The following CDH12 variants were observed in gnomAD, a reference collection of about 807,000 sequenced individuals.
The protein encoded by CDH12 is cadherin 12.
Under a neutral mutation model 74.1 loss-of-function variants are expected in CDH12, and 41 were observed. The ratio of observed to expected loss-of-function variants is 0.55; its 90% CI spans 0.43 to 0.72. The LOEUF is 0.72. CDH12 is among the 30% of genes least tolerant of loss of function. The pLI is 0.00. For missense variants in CDH12, 945 were observed against 977.2 expected (o/e 0.97, Z 0.44); for synonymous variants, 399 against 355.0 (o/e 1.12, Z -1.39).
At chr5:21,912,906 G>A (rs1423063683) in intron 6 of CDH12, among the ~76,000 whole-genome samples, 1 of 152,116 alleles carries the variant, frequency 6.6e-6, no homozygotes, top group Non-Finnish European at 1.5e-5. Flanking sequence ...GCAGTGGCCT[G>A]ATCTCTACTT....
At chr5:22,595,215 CT>C (rs1736543732) in intron 1 of CDH12, among the ~76,000 whole-genome samples, 1 of 152,110 alleles carries the variant, frequency 6.6e-6, no homozygotes, top group African/African-American at 2.4e-5. Flanking sequence ...GGAAATTCAT[CT>C]TTATGATCAA....
intron 4 of CDH12, among the ~76,000 whole-genome samples, chr5:22,159,240 A>G (rs1280627170): frequency 2.0e-5 from 3 of 152,176 alleles, no homozygotes; most frequent in African/African-American, 7.2e-5. Flanking sequence ...TCTGTTGACA[A>G]TGGTACAAAA....
At chr5:22,401,427 C>T (rs1742726707) in intron 3 of CDH12, among the ~76,000 whole-genome samples, 1 of 151,756 alleles carries the variant, frequency 6.6e-6, no homozygotes, top group African/African-American at 2.4e-5. Flanking sequence ...TGTTTTATAC[C>T]ATGTATTTTG....
chr5:22,702,150 A>C (rs982423351), intron 1 of CDH12, among the ~76,000 whole-genome samples: 1 of 152,162 alleles, frequency 6.6e-6, no homozygotes, highest in African/African-American at 2.4e-5. Context: ...ATGAGTTAGC[A>C]TGAGGCCAGG....
chr5:22,363,353 A>T (rs765269800), intron 3 of CDH12, among the ~76,000 whole-genome samples: 2 of 152,164 alleles, frequency 1.3e-5, no homozygotes, highest in Non-Finnish European at 2.9e-5. Context: ...AAACATTTTG[A>T]TCTTTTAATG....
chr5:22,505,412 T>C (rs1190422349), intron 1 of CDH12, 48 bp from the exon 2 acceptor site: 1 of 621,384 alleles, frequency 1.6e-6, no homozygotes, highest in Non-Finnish European at 2.0e-6. Context: ...TCTTTTCTAA[T>C]AAACATTTAT....
At chr5:22,535,050 C>T (rs1737770938) in intron 1 of CDH12, among the ~76,000 whole-genome samples, 1 of 148,836 alleles carries the variant, frequency 6.7e-6, no homozygotes, top group African/African-American at 2.5e-5. Flanking sequence ...CCGCTCACTG[C>T]AAGCTTCGCC....
intron 3 of CDH12, among the ~76,000 whole-genome samples, chr5:22,353,546 A>C (rs887837511): frequency 6.6e-6 from 1 of 152,166 alleles, no homozygotes; most frequent in Non-Finnish European, 1.5e-5. Flanking sequence ...GACATTTTTA[A>C]TTAAATAGTT....
At chr5:22,805,137 T>C (rs1192632108) in intron 1 of CDH12, among the ~76,000 whole-genome samples, 1 of 152,176 alleles carries the variant, frequency 6.6e-6, no homozygotes, top group Non-Finnish European at 1.5e-5. Context: ...TTTTCACCTC[T>C]AGAGAATCCT....
chr5:22,732,798 T>C (rs746396743), intron 1 of CDH12, among the ~76,000 whole-genome samples: 2 of 151,700 alleles, frequency 1.3e-5, no homozygotes, highest in Non-Finnish European at 2.9e-5. Context: ...TCAAAAGGAA[T>C]CAACCCTGCT....
chr5:21,893,398 T>C (rs1288118469), intron 6 of CDH12, among the ~76,000 whole-genome samples: 2 of 152,202 alleles, frequency 1.3e-5, no homozygotes, highest in South Asian at 2.1e-4. Flanking sequence ...AGTTCAGAAA[T>C]TGGCCCATTA....
Position 22,125,454 on chromosome 5 carries a change from G to A in CDH12, c.-186-46592C>T, listed in dbSNP as rs573375091. Among the ~76,000 whole-genome samples, 21 of 152,232 alleles carry A rather than the reference G, an allele frequency of 1.4e-4. No individual in the cohort carries two copies. In the South Asian group the frequency reaches 4.1e-3, roughly 30 times the overall value. ...AAGACATTAATTCTTTCTTTTTAAT[G>A]GCTGCATAGTATTCCATGGTATATA... On this transcript the variant is annotated intron_variant, in intron 4 of 14. Coordinates refer to ENST00000382254, the MANE Select transcript of CDH12 (RefSeq NM_004061.5).
At chr5:22,643,857 T>C (rs1044081762) in intron 1 of CDH12, among the ~76,000 whole-genome samples, 9 of 151,254 alleles carry the variant, frequency 6.0e-5, no homozygotes, top group African/African-American at 2.2e-4. Context: ...TCTGTCACAT[T>C]TGGTAATTCT....
At chr5:22,707,971 C>A (rs1743103264) in intron 1 of CDH12, among the ~76,000 whole-genome samples, 1 of 152,192 alleles carries the variant, frequency 6.6e-6, no homozygotes, top group South Asian at 2.1e-4. Flanking sequence ...GGCTCTATAA[C>A]ATTGATACAG....
chr5:22,788,740 A>C (rs1210909809), intron 1 of CDH12, among the ~76,000 whole-genome samples: 2 of 149,552 alleles, frequency 1.3e-5, no homozygotes, highest in African/African-American at 4.9e-5. Context: ...TTATGTATTT[A>C]TATAAAATAT....
intron 12 of CDH12, among the ~76,000 whole-genome samples, chr5:21,763,081 G>A (rs935875951): frequency 6.6e-6 from 1 of 152,044 alleles, no homozygotes; most frequent in African/African-American, 2.4e-5. Flanking sequence ...ATGCACTTAA[G>A]GTGATAAATT....
At chr5:21,759,931 G>A (rs1744620301) in intron 13 of CDH12, among the ~76,000 whole-genome samples, 1 of 152,058 alleles carries the variant, frequency 6.6e-6, no homozygotes, top group Non-Finnish European at 1.5e-5. Flanking sequence ...GTGAGAACAT[G>A]CAGTATTTGA....
chr5:22,725,602 T>TAA lies in CDH12; in HGVS notation c.-523+127455_-523+127456insTT, dbSNP rs201750205. Among the ~76,000 whole-genome samples the TAA allele has an allele frequency of 6.0e-3, 890 of 148,936 alleles. 8 individuals are homozygous for TAA. The highest frequency in any genetic ancestry group is 0.022 in the African/African-American group (850 of 38,924). On this transcript the variant is annotated intron_variant, in intron 1 of 14. Coordinates refer to ENST00000382254, the MANE Select transcript of CDH12 (RefSeq NM_004061.5). ...GCAGGTCCTTCAAGCCATTTTTTTTTATATATATAAGGACACTAATCTCAC... is the reference window on the plus strand; with the variant it reads ...GCAGGTCCTTCAAGCCATTTTTTTTTAAATATATATAAGGACACTAATCTCAC...
At chr5:22,044,839 AACT>A (rs1326665867) in intron 5 of CDH12, among the ~76,000 whole-genome samples, 1 of 152,212 alleles carries the variant, frequency 6.6e-6, no homozygotes, top group African/African-American at 2.4e-5. Context: ...GAAACTATGA[AACT>A]ACTAGAAGAA....
Sources: gnomAD v4.1 joint callset for allele counts (sites outside exome capture counted in the v4.1 genomes callset) on GRCh38, gnomAD v4.1.1 for gene constraint, MANE v1.5 for transcripts, NCBI Gene and HGNC (gene_info 2026-07-23, HGNC 2026-07-21) for gene names.